The following MAPK8IP3 variants were observed in gnomAD, a reference collection of about 807,000 sequenced individuals.
MAPK8IP3 encodes the protein mitogen-activated protein kinase 8 interacting protein 3, also known as C-Jun-amino-terminal kinase-interacting protein 3.
In MAPK8IP3, 49 loss-of-function variants were observed where a neutral mutation model predicts 157.8. The ratio of observed to expected loss-of-function variants is 0.31; its 90% CI spans 0.25 to 0.39. The LOEUF is 0.39. Among genes scored for constraint, MAPK8IP3 ranks in the 10% least tolerant of loss-of-function variants. The probability of loss-of-function intolerance (pLI) is 1.00; values close to 1 mark genes in which losing one functional copy is unlikely to be tolerated. For synonymous variants in MAPK8IP3, 897 were observed against 777.7 expected, an observed-to-expected ratio of 1.15 and a Z score of -2.55; for missense variants, 1,478 against 1,889.4, an observed-to-expected ratio of 0.78 and a Z score of 4.04.
chr16:1,767,860 C>T lies in MAPK8IP3; in HGVS notation c.3465C>T (p.Gly1155=), dbSNP rs1205902770. The T allele has an allele frequency of 3.7e-6, 6 of 1,611,374 alleles. No homozygotes were observed. The African/African-American group carries it at 8.0e-5, about 22-fold the overall frequency. The change falls in exon 28 of 32, where the codon GGC becomes GGT. Residue 1155 remains glycine (G), a synonymous_variant. Coordinates refer to ENST00000610761, the MANE Select transcript of MAPK8IP3 (RefSeq NM_001318852.2). ...FVRITALLVA[G]SRLWVGTGNG... ...GCATCACGGCCCTGCTTGTCGCGGGCAGCCGGCTCTGGGTGGGCACCGGCA... is the reference window on the plus strand; with the variant it reads ...GCATCACGGCCCTGCTTGTCGCGGGTAGCCGGCTCTGGGTGGGCACCGGCA...
intron 4 of MAPK8IP3, among the ~76,000 whole-genome samples, chr16:1,737,596 G>A (rs1216147685): frequency 1.9e-5 from 2 of 105,078 alleles, no homozygotes; most frequent in Non-Finnish European, 3.9e-5. Flanking sequence ...GAGCATCCGT[G>A]TGAGCGTGTG....
At position 1,743,796 on chromosome 16, in the gene MAPK8IP3, C is replaced by G. The variant is rs2040816641; in HGVS notation, c.747+320C>G. On this transcript the variant is annotated intron_variant, in intron 5 of 31. Transcript: ENST00000610761. This position sits in a 1 kb window ranked among gnomAD's most constrained non-coding sequence, Gnocchi z 5.6. Reference sequence around the variant, plus strand: ...TGTCAGGGTTGAGCTTAGTGATCCTCTCTCAAACCACACCCCCACATAAAG... The same window carrying G: ...TGTCAGGGTTGAGCTTAGTGATCCTGTCTCAAACCACACCCCCACATAAAG... The G allele has an allele frequency of 8.0e-7, 1 of 1,244,006 alleles. No individual in the cohort carries two copies. Among genetic ancestry groups the G allele is most frequent in the South Asian group, 2.0e-5 (1 of 49,304 alleles). 77.1% of individuals were successfully genotyped at this position (1,244,006 alleles called of 1,614,324 possible).
rs1265771884 is a variant in MAPK8IP3, at chr16:1,729,573, G to A, written c.597G>A (p.Gly199=). Residue 199 remains glycine, a synonymous_variant, in exon 4 of 32, where the codon GGG becomes GGA. Coordinates refer to ENST00000610761, the MANE Select transcript of MAPK8IP3 (RefSeq NM_001318852.2). The part of the protein sequence containing the change: ...GNSQTESSLP[G]RSRKERPTSL... ...GCCAGACCGAGAGCAGCCTGCCGGG[G>A]CGGAGGTACGCGGGGCGCGGCGGGG... The A allele has an allele frequency of 1.3e-6, 2 of 1,596,264 alleles. No individual in the cohort carries two copies. The highest frequency in any genetic ancestry group is 1.3e-5 in the African/African-American group (1 of 74,880).
At chr16:1,736,555 ACTGT>A (rs149881649) in intron 4 of MAPK8IP3, among the ~76,000 whole-genome samples, 1 of 58,608 alleles carries the variant, frequency 1.7e-5, no homozygotes. Context: ...TGAGCGTGTG[ACTGT>A]CCGTGTGTGA....
rs969767858 is a variant in MAPK8IP3, at chr16:1,743,685, C to T, written c.747+209C>T. 73 of 1,405,212 alleles carry T rather than the reference C, an allele frequency of 5.2e-5. No individual in the cohort carries two copies. The highest frequency in any genetic ancestry group is 8.9e-5 in the African/African-American group (6 of 67,294). 87.0% of individuals were successfully genotyped at this position (1,405,212 alleles called of 1,614,324 possible). ...GCCCTGTGTGGCTGTGGCTGTTCCA[C>T]GCGGCCTCGTGTCGGCACCTGCTAG... On this transcript the variant is annotated intron_variant, in intron 5 of 31. Coordinates refer to ENST00000610761, the MANE Select transcript of MAPK8IP3 (RefSeq NM_001318852.2). This position sits in a 1 kb window ranked among gnomAD's most constrained non-coding sequence, Gnocchi z 5.6.
intron 4 of MAPK8IP3, among the ~76,000 whole-genome samples, chr16:1,739,552 ATC>A (rs1427590285): frequency 4.7e-5 from 4 of 84,366 alleles, no homozygotes; most frequent in South Asian, 5.0e-4. Context: ...CCGTGTGAGC[ATC>A]TGTGTGACCG....
Position 1,742,531 on chromosome 16 carries a change from G to A in MAPK8IP3, c.603-801G>A, listed in dbSNP as rs372498507. 3.7e-3 allele frequency among the ~76,000 whole-genome samples: 556 copies of A among 152,322 alleles called. 1 individual carries two copies. Among genetic ancestry groups the A allele is most frequent in the African/African-American group, 0.013 (534 of 41,568 alleles). On this transcript the variant is annotated intron_variant, in intron 4 of 31. Coordinates refer to ENST00000610761, the MANE Select transcript of MAPK8IP3 (RefSeq NM_001318852.2). The surrounding 1 kb of genome is among the most constrained non-coding windows in gnomAD (Gnocchi z 5.0). ...TGAGACGGGGTCAGTCCTTACTCTG[G>A]ATGTGTCGTGTTCAGATATTTTGCA... is the stretch of plus-strand genomic sequence containing the variant.
At chr16:1,740,996 A>C (rs2040640170) in intron 4 of MAPK8IP3, among the ~76,000 whole-genome samples, 1 of 152,108 alleles carries the variant, frequency 6.6e-6, no homozygotes, top group African/African-American at 2.4e-5. Flanking sequence ...TCACAGACGA[A>C]GGCACGGCGC....
intron 8 of MAPK8IP3, among the ~76,000 whole-genome samples, chr16:1,753,108 G>A (rs578245615): frequency 9.9e-5 from 15 of 152,272 alleles, no homozygotes; most frequent in Admixed American, 5.9e-4. Flanking sequence ...GCCAAAAGTC[G>A]GCAGGTGGAG....
At chr16:1,739,624 G>A (rs577066824) in intron 4 of MAPK8IP3, among the ~76,000 whole-genome samples, 17 of 136,248 alleles carry the variant, frequency 1.2e-4, no homozygotes, top group Admixed American at 5.2e-4. Context: ...GTGACCGTCC[G>A]TGTGAGCTTC....
chr16:1,764,947 G>A lies in MAPK8IP3; in HGVS notation c.2281-66G>A. The stretch of plus-strand genomic sequence containing the variant: ...TCCTGACAGATTCTGGGAGCCCCAT[G>A]GCCCTGTGCTGCCACCGGGTAGCCT... On this transcript the variant is annotated intron_variant, in intron 19 of 31. Coordinates refer to ENST00000610761, the MANE Select transcript of MAPK8IP3 (RefSeq NM_001318852.2). 4.7e-6 allele frequency: 7 copies of A among 1,500,992 alleles called. No homozygotes were observed. The East Asian group carries it at 1.1e-4, about 25-fold the overall frequency. The allele number at this position is 1,500,992 out of a possible 1,614,324, so 93.0% of individuals were successfully genotyped here.
intron 1 of MAPK8IP3, among the ~76,000 whole-genome samples, chr16:1,718,742 A>G (rs551837384): frequency 4.6e-4 from 70 of 151,820 alleles, no homozygotes; most frequent in African/African-American, 1.7e-3. Flanking sequence ...GCAGTGAGCC[A>G]AGATCGCACC....
chr16:1,723,699 C>G (rs190012189), intron 1 of MAPK8IP3, among the ~76,000 whole-genome samples: 2 of 152,286 alleles, frequency 1.3e-5, no homozygotes, highest in African/African-American at 4.8e-5. Context: ...ATAATATTCC[C>G]CAGTTTTCTA....
rs1370564031 is a variant in MAPK8IP3, at chr16:1,710,020, C to G, written c.318+3363C>G. ...TTTGATGCTATGTAAGGAAAGGATG[C>G]AAGGGAAGACAGTTTTATCCAAAAC... On this transcript the variant is annotated intron_variant, in intron 1 of 31. Transcript: ENST00000610761. This position sits in a 1 kb window ranked among gnomAD's most constrained non-coding sequence, Gnocchi z 4.1. Among the ~76,000 whole-genome samples, 2 of 152,158 alleles carry G rather than the reference C, an allele frequency of 1.3e-5. No homozygotes were observed. The highest frequency in any genetic ancestry group is 4.8e-5 in the African/African-American group (2 of 41,430).
chr16:1,768,049 T>C lies in MAPK8IP3; in HGVS notation c.3524-20T>C. 1 of 1,612,296 alleles carries C rather than the reference T, an allele frequency of 6.2e-7. No individual in the cohort carries two copies. Among genetic ancestry groups the C allele is most frequent in the Non-Finnish European group, 8.5e-7 (1 of 1,179,950 alleles). On this transcript the variant is annotated intron_variant, in intron 28 of 31. Coordinates refer to ENST00000610761, the MANE Select transcript of MAPK8IP3 (RefSeq NM_001318852.2). ...CGCTGACCGCTCTCCTCTTCTCCCA[T>C]GCTCCTCCCATGTCCCCAGCTGTGG...
chr16:1,764,803 G>A (rs537472804), intron 19 of MAPK8IP3, among the ~76,000 whole-genome samples: 1 of 152,306 alleles, frequency 6.6e-6, no homozygotes, highest in East Asian at 1.9e-4. Flanking sequence ...GAGCTCAGGG[G>A]CCTCTTCTGT....
At chr16:1,739,641 ACCGT>A (rs1439789082) in intron 4 of MAPK8IP3, among the ~76,000 whole-genome samples, 7 of 98,344 alleles carry the variant, frequency 7.1e-5, no homozygotes, top group African/African-American at 2.9e-4. Flanking sequence ...CTTCCGTGTG[ACCGT>A]CCGTGTGAGC....
chr16:1,729,633 G>A, intron 4 of MAPK8IP3, 55 bp downstream of exon 4: 2 of 1,471,420 alleles, frequency 1.4e-6, no homozygotes, highest in Non-Finnish European at 1.9e-6. Context: ...GCGGAGGTAC[G>A]CAGGACGCGG....
At chr16:1,716,322 T>TC (rs1197892905) in intron 1 of MAPK8IP3, among the ~76,000 whole-genome samples, 2 of 151,206 alleles carry the variant, frequency 1.3e-5, no homozygotes, top group Non-Finnish European at 3.0e-5. Context: ...TTTTTTTTTT[T>TC]TTTTTGAGAC....
Sources: gnomAD v4.1 joint callset for allele counts (sites outside exome capture counted in the v4.1 genomes callset) on GRCh38, gnomAD v4.1.1 for gene constraint, Gnocchi (gnomAD v3.1) non-coding constraint, MANE v1.5 for transcripts, NCBI Gene and HGNC (gene_info 2026-07-23, HGNC 2026-07-21) for gene names.